Variants in PCSK5 observed in about 807,000 individuals in gnomAD.
The protein encoded by PCSK5 is proprotein convertase subtilisin/kexin type 5, also known as prohormone convertase 5.
Under a neutral mutation model 233.2 loss-of-function variants are expected in PCSK5, and 129 were observed. The ratio of observed to expected loss-of-function variants is 0.55; its 90% CI spans 0.48 to 0.64. PCSK5 has a LOEUF of 0.64. PCSK5 is among the 30% of genes least tolerant of loss of function. The pLI, the probability that PCSK5 is intolerant of heterozygous loss-of-function variation, is 0.00. For synonymous variants in PCSK5, 825 were observed against 879.2 expected (o/e 0.94, Z 1.09); for missense variants, 2,076 against 2,430.1 (o/e 0.85, Z 3.06).
chr9:76,112,200 A>G (rs1175861608), intron 9 of PCSK5, among the ~76,000 whole-genome samples: 1 of 152,212 alleles, frequency 6.6e-6, no homozygotes, highest in East Asian at 1.9e-4. Context: ...ATGTTACACT[A>G]TACAGTGAAT....
chr9:76,031,231 A>C (rs1222755600), intron 5 of PCSK5, among the ~76,000 whole-genome samples: 2 of 152,192 alleles, frequency 1.3e-5, no homozygotes, highest in Non-Finnish European at 2.9e-5. Context: ...ACAGATAGAT[A>C]ACTCTGTTTG....
chr9:76,347,820 C>A (rs1293683830), intron 35 of PCSK5, among the ~76,000 whole-genome samples: 1 of 151,436 alleles, frequency 6.6e-6, no homozygotes, highest in Non-Finnish European at 1.5e-5. Context: ...AATTTTGTGA[C>A]CTAACCTAGT....
intron 9 of PCSK5, among the ~76,000 whole-genome samples, chr9:76,116,653 AG>A (rs755407089): frequency 2.6e-5 from 4 of 152,128 alleles, no homozygotes; most frequent in Non-Finnish European, 5.9e-5. Context: ...CCAAATACTG[AG>A]CTGAGTGTTT....
intron 6 of PCSK5, among the ~76,000 whole-genome samples, chr9:76,071,377 C>T (rs1020771326): frequency 6.6e-6 from 1 of 151,918 alleles, no homozygotes; most frequent in Admixed American, 6.6e-5. Context: ...ACAAGTTATT[C>T]AATAAAGAGT....
chr9:75,986,021 A>T, intron 2 of PCSK5, 111 bp from the exon 3 acceptor site: 1 of 663,132 alleles, frequency 1.5e-6, no homozygotes, highest in Non-Finnish European at 2.7e-6. Context: ...GCCACAGTGA[A>T]ACTTGTGACT....
At chr9:75,916,782 A>G (rs1352966997) in intron 1 of PCSK5, among the ~76,000 whole-genome samples, 1 of 152,130 alleles carries the variant, frequency 6.6e-6, no homozygotes, top group East Asian at 1.9e-4. Context: ...GGCATTTTTT[A>G]TCTTAATTTA....
chr9:76,303,341 CAT>C (rs1239487241), intron 28 of PCSK5, among the ~76,000 whole-genome samples: 5 of 152,126 alleles, frequency 3.3e-5, no homozygotes, highest in African/African-American at 1.2e-4. Context: ...GCTTGGCTGA[CAT>C]TACAGAATTT....
chr9:75,938,067 A>G (rs1004696458), intron 2 of PCSK5, among the ~76,000 whole-genome samples: 4 of 152,180 alleles, frequency 2.6e-5, no homozygotes, highest in African/African-American at 9.7e-5. Context: ...AATTTCTTTT[A>G]AGAACTTTTC....
chr9:76,297,351 G>C (rs887142364), intron 27 of PCSK5, among the ~76,000 whole-genome samples: 1 of 152,140 alleles, frequency 6.6e-6, no homozygotes. Flanking sequence ...AAAAACAGAC[G>C]GTCTCTATGG....
At position 76,200,745 on chromosome 9, in the gene PCSK5, A is replaced by T. The variant is rs529092076; in HGVS notation, c.2626+10999A>T. 9.8e-5 allele frequency among the ~76,000 whole-genome samples: 15 copies of T among 152,338 alleles called. No individual in the cohort carries two copies. The South Asian group carries it at 1.7e-3, about 17-fold the overall frequency. On this transcript the variant is annotated intron_variant, in intron 20 of 37. Coordinates refer to ENST00000674117, the MANE Select transcript of PCSK5 (RefSeq NM_001372043.1). The stretch of plus-strand genomic sequence containing the variant: ...CATTGAAAGGGTCCTGTGGACGGCG[A>T]TCACTTGGAGGCCCAGGCAGGGGAT...
chr9:76,053,224 A>T (rs951757054), intron 5 of PCSK5, among the ~76,000 whole-genome samples: 2 of 151,722 alleles, frequency 1.3e-5, no homozygotes, highest in African/African-American at 4.8e-5. Context: ...CAGTAGGGAC[A>T]CTCTTTTGGG....
At chr9:76,024,997 TA>T (rs1184319787) in intron 4 of PCSK5, among the ~76,000 whole-genome samples, 2 of 152,166 alleles carry the variant, frequency 1.3e-5, no homozygotes, top group Admixed American at 1.3e-4. Flanking sequence ...TCAGTAAAAT[TA>T]GTAAGGTACA....
At chr9:76,332,296 T>C in intron 33 of PCSK5, 137 bp from the exon 34 acceptor site, 1 of 616,248 alleles carries the variant, frequency 1.6e-6, no homozygotes, top group Non-Finnish European at 2.8e-6. Context: ...TTCCCAAACA[T>C]ATCCATCAGC....
intron 1 of PCSK5, among the ~76,000 whole-genome samples, chr9:75,900,067 A>C (rs561848428): frequency 3.0e-4 from 45 of 152,322 alleles, no homozygotes; most frequent in African/African-American, 1.1e-3. Context: ...GGAGTACAAC[A>C]GTTTTTCATT....
At chr9:76,039,996 T>C (rs930412035) in intron 5 of PCSK5, among the ~76,000 whole-genome samples, 28 of 152,188 alleles carry the variant, frequency 1.8e-4, no homozygotes, top group African/African-American at 5.1e-4. Context: ...CAACTAAAAA[T>C]AATAATTTAT....
chr9:75,979,243 A>G (rs1225526112), intron 2 of PCSK5, among the ~76,000 whole-genome samples: 1 of 152,072 alleles, frequency 6.6e-6, no homozygotes, highest in Non-Finnish European at 1.5e-5. Flanking sequence ...AATTGAAAAG[A>G]CAGATGTTCA....
At chr9:76,004,836 T>TTG (rs1442674611) in intron 3 of PCSK5, among the ~76,000 whole-genome samples, 12 of 152,192 alleles carry the variant, frequency 7.9e-5, no homozygotes, top group Non-Finnish European at 1.6e-4. Context: ...AATGTTCACC[T>TTG]TGTGTCTTCT....
At chr9:76,111,427 C>T (rs1194826798) in intron 9 of PCSK5, among the ~76,000 whole-genome samples, 1 of 152,146 alleles carries the variant, frequency 6.6e-6, no homozygotes, top group Non-Finnish European at 1.5e-5. Flanking sequence ...GAGAGATTTC[C>T]TCCTTGTTCT....
intron 24 of PCSK5, among the ~76,000 whole-genome samples, chr9:76,241,317 C>T (rs916252969): frequency 1.3e-5 from 2 of 152,194 alleles, no homozygotes; most frequent in African/African-American, 2.4e-5. Flanking sequence ...TAGCAGGCAC[C>T]TGTAATCCCA....
Sources: allele counts gnomAD v4.1 joint callset (sites outside exome capture counted in the v4.1 genomes callset), GRCh38; gene constraint gnomAD v4.1.1; transcripts MANE v1.5; gene names NCBI Gene and HGNC (gene_info 2026-07-23, HGNC 2026-07-21).